DMRT1: variants seen among roughly 807,000 people sequenced by gnomAD.
DMRT1 encodes the protein doublesex- and mab-3-related transcription factor 1.
A neutral mutation model predicts 32.3 loss-of-function variants in DMRT1; 7 were observed. The observed-to-expected ratio is 0.22, with a 90% CI of 0.12 to 0.41. The LOEUF (loss-of-function observed/expected upper bound fraction) is 0.41, where lower values mean the gene tolerates loss of function less well. DMRT1 is among the 10% of genes least tolerant of loss of function. DMRT1 has a pLI of 1.00. For missense variants in DMRT1, 625 were observed against 500.5 expected, an observed-to-expected ratio of 1.25 and a Z score of -2.37; for synonymous variants, 278 against 206.1, an observed-to-expected ratio of 1.35 and a Z score of -2.99.
intron 3 of DMRT1, among the ~76,000 whole-genome samples, chr9:905,368 A>G (rs2129701531): frequency 1.3e-5 from 2 of 152,260 alleles, no homozygotes; most frequent in Middle Eastern, 3.4e-3. Context: ...GGCAAGTCCC[A>G]GTTCTAGGGG....
At chr9:880,354 A>G (rs1339213530) in intron 2 of DMRT1, among the ~76,000 whole-genome samples, 1 of 152,192 alleles carries the variant, frequency 6.6e-6, no homozygotes, top group Non-Finnish European at 1.5e-5. Context: ...GGGTGTCTTT[A>G]GCAAAATCAA....
At chr9:889,151 T>C (rs937274156) in intron 2 of DMRT1, among the ~76,000 whole-genome samples, 1 of 152,176 alleles carries the variant, frequency 6.6e-6, no homozygotes, top group African/African-American at 2.4e-5. Flanking sequence ...TAGACACATG[T>C]AGCTTGACAG....
At chr9:916,661 T>A in intron 3 of DMRT1, 102 bp from the exon 4 acceptor site, 1 of 1,446,082 alleles carries the variant, frequency 6.9e-7, no homozygotes, top group Non-Finnish European at 9.7e-7. Context: ...CATGAGCCAC[T>A]GTGCCCAGCC....
chr9:893,907 T>C lies in DMRT1; in HGVS notation c.539-5T>C, dbSNP rs1817246977. The C allele has an allele frequency of 1.9e-6, 3 of 1,613,486 alleles. No homozygotes were observed. The highest frequency in any genetic ancestry group is 2.7e-5 in the African/African-American group (2 of 74,940). On this transcript the variant is annotated splice_polypyrimidine_tract_variant and splice_region_variant and intron_variant, in intron 2 of 4. Coordinates refer to ENST00000382276, the MANE Select transcript of DMRT1 (RefSeq NM_021951.3). The stretch of plus-strand genomic sequence containing the variant: ...GTTGTATTTTTCTTTTTTCTTCCAA[T>C]TTAGAGGGACGTATGGTCATCCAGG...
At chr9:843,275 A>G (rs1056938947) in intron 1 of DMRT1, among the ~76,000 whole-genome samples, 2 of 152,214 alleles carry the variant, frequency 1.3e-5, no homozygotes, top group Non-Finnish European at 2.9e-5. Context: ...TTTTTCTGGA[A>G]AAGTCGCTGC....
chr9:863,626 A>G (rs558508783), intron 2 of DMRT1, among the ~76,000 whole-genome samples: 1 of 152,312 alleles, frequency 6.6e-6, no homozygotes, highest in East Asian at 1.9e-4. Flanking sequence ...GAGGCTCCAG[A>G]AAGAAATGCA....
intron 2 of DMRT1, among the ~76,000 whole-genome samples, chr9:856,621 T>G (rs900643802): frequency 6.6e-6 from 1 of 152,232 alleles, no homozygotes. Flanking sequence ...ATATACCACA[T>G]TATTTTTCTG....
intron 4 of DMRT1, among the ~76,000 whole-genome samples, chr9:935,792 A>G (rs1465088930): frequency 1.3e-5 from 2 of 152,350 alleles, no homozygotes; most frequent in Admixed American, 6.5e-5. Context: ...TTTTGAGTAT[A>G]AATGACTTTT....
intron 4 of DMRT1, among the ~76,000 whole-genome samples, chr9:937,892 T>G (rs2129893780): frequency 6.6e-6 from 1 of 152,258 alleles, no homozygotes; most frequent in South Asian, 2.1e-4. Flanking sequence ...TTGCCTGTGC[T>G]TTTGGTGTCA....
At chr9:851,978 C>T (rs1217846372) in intron 2 of DMRT1, among the ~76,000 whole-genome samples, 4 of 148,842 alleles carry the variant, frequency 2.7e-5, no homozygotes, top group Admixed American at 1.3e-4. Context: ...CTCACTCTGT[C>T]GCTTAGGCTG....
chr9:915,897 T>C (rs1434235357), intron 3 of DMRT1, among the ~76,000 whole-genome samples: 2 of 152,108 alleles, frequency 1.3e-5, no homozygotes, highest in Admixed American at 6.5e-5. Context: ...CACGTCTGGC[T>C]AATTTTCTTG....
rs1191433773 is a variant in DMRT1, at chr9:968,278, T to A, written c.*139T>A. ...TTGGTTTATATTCCTTAGAGTTTAG[T>A]CCAGAGGCTGTAACACATTTGTAAT... On this transcript the variant is annotated 3_prime_UTR_variant, in exon 5 of 5. Transcript: ENST00000382276. The A allele has an allele frequency of 9.7e-7, 1 of 1,029,080 alleles. No individual in the cohort carries two copies. Among genetic ancestry groups the A allele is most frequent in the Non-Finnish European group, 1.4e-6 (1 of 696,654 alleles). The allele number at this position is 1,029,080 out of a possible 1,614,324, so 63.7% of individuals were successfully genotyped here. A position where few individuals can be genotyped will look rare whatever the true frequency, so the allele number is the denominator to read the frequency against.
At chr9:915,139 C>T (rs890928736) in intron 3 of DMRT1, among the ~76,000 whole-genome samples, 6 of 152,122 alleles carry the variant, frequency 3.9e-5, no homozygotes, top group Non-Finnish European at 8.8e-5. Context: ...TCCCTTAGAT[C>T]GAATTTTGTT....
At chr9:958,634 C>T (rs760149762) in intron 4 of DMRT1, among the ~76,000 whole-genome samples, 11 of 152,132 alleles carry the variant, frequency 7.2e-5, no homozygotes, top group Admixed American at 1.3e-4. Context: ...CCTAACTCTC[C>T]GGGGGTTACA....
intron 2 of DMRT1, among the ~76,000 whole-genome samples, chr9:872,415 C>G (rs1816312990): frequency 6.6e-6 from 1 of 152,168 alleles, no homozygotes; most frequent in African/African-American, 2.4e-5. Flanking sequence ...GGGTAAACAT[C>G]ACCACTATCA....
At chr9:913,645 A>G (rs1232562736) in intron 3 of DMRT1, among the ~76,000 whole-genome samples, 2 of 151,570 alleles carry the variant, frequency 1.3e-5, no homozygotes, top group African/African-American at 4.9e-5. Flanking sequence ...TTGTAATCTC[A>G]GCACTTTGGG....
In DMRT1 at chr9:884,388, C is replaced by T. The variant is rs955213071; in HGVS notation, c.539-9524C>T. On this transcript the variant is annotated intron_variant, in intron 2 of 4. Coordinates refer to ENST00000382276, the MANE Select transcript of DMRT1 (RefSeq NM_021951.3). ...TAGTGCAAAAAAAAAAAAAAAGTAG[C>T]AGAGGGATTGTGAAGCCCTATCAAA... 1.1e-4 allele frequency among the ~76,000 whole-genome samples: 16 copies of T among 147,014 alleles called. 1 individual carries two copies. The highest frequency in any genetic ancestry group is 9.5e-4 in the Admixed American group (14 of 14,766).
Position 917,749 on chromosome 9 carries a change from C to G in DMRT1, c.967+842C>G, listed in dbSNP as rs191022155. Among the ~76,000 whole-genome samples, 140 of 152,268 alleles carry G rather than the reference C, an allele frequency of 9.2e-4. 1 individual carries two copies. The highest frequency in any genetic ancestry group is 3.3e-3 in the African/African-American group (137 of 41,562). On this transcript the variant is annotated intron_variant, in intron 4 of 4. Coordinates refer to ENST00000382276, the MANE Select transcript of DMRT1 (RefSeq NM_021951.3). ...AGAACTTAGAGAATGAGAATCAGAA[C>G]CATGCTTTGATTTCCAAATTCAGAA...
chr9:908,101 T>G (rs1586601444), intron 3 of DMRT1, among the ~76,000 whole-genome samples: 2 of 152,258 alleles, frequency 1.3e-5, no homozygotes, highest in East Asian at 3.9e-4. Context: ...AATGGACCAC[T>G]AATAAATACA....
Sources: gnomAD v4.1 joint callset for allele counts (sites outside exome capture counted in the v4.1 genomes callset) on GRCh38, gnomAD v4.1.1 for gene constraint, MANE v1.5 for transcripts, NCBI Gene and HGNC (gene_info 2026-07-23, HGNC 2026-07-21) for gene names.